Variants in TPRG1 observed in about 807,000 individuals in gnomAD.
TPRG1 encodes the protein tumor protein p63 regulated 1.
A neutral mutation model predicts 29.3 loss-of-function variants in TPRG1; 29 were observed. The ratio of observed to expected loss-of-function variants is 0.99; its 90% CI spans 0.74 to 1.35. The LOEUF is 1.35. Ranked by LOEUF, TPRG1 falls within the 40% of genes most tolerant of loss-of-function variation. The pLI is 0.00. For missense variants in TPRG1, 327 were observed against 335.0 expected (o/e 0.98, Z 0.19); for synonymous variants, 130 against 116.8 (o/e 1.11, Z -0.73).
rs9843534 is a variant in TPRG1, at chr3:189,253,252, G to A, written c.479+14343G>A. Among the ~76,000 whole-genome samples the A allele has an allele frequency of 5.6e-3, 856 of 152,132 alleles. 8 individuals carry two copies. Among genetic ancestry groups the A allele is most frequent in the African/African-American group, 0.019 (799 of 41,488 alleles). ...GATGTTCCCCTCCCTGTTCCCATAT[G>A]TTCTCATTATTCAACTCCCACTTGT... is the stretch of plus-strand genomic sequence containing the variant. On this transcript the variant is annotated intron_variant, in intron 4 of 5. Coordinates refer to ENST00000345063, the MANE Select transcript of TPRG1 (RefSeq NM_198485.4).
intron 3 of TPRG1, among the ~76,000 whole-genome samples, chr3:189,221,277 C>T (rs999772243): frequency 4.6e-5 from 7 of 152,102 alleles, no homozygotes; most frequent in African/African-American, 1.7e-4. Flanking sequence ...GAAACATTAC[C>T]TTCAGTTTAT....
intron 5 of TPRG1, among the ~76,000 whole-genome samples, chr3:189,156,478 A>G (rs943871702): frequency 1.3e-5 from 2 of 152,228 alleles, no homozygotes; most frequent in Non-Finnish European, 2.9e-5. Context: ...CATGGATGAG[A>G]CGCAGAGAGG....
At chr3:189,146,934 A>G (rs895330313) in intron 3 of TPRG1, among the ~76,000 whole-genome samples, 2 of 152,180 alleles carry the variant, frequency 1.3e-5, no homozygotes. Context: ...GTATATGGAC[A>G]CAGGTACTGC....
At chr3:189,155,401 T>C (rs1057236024) in intron 5 of TPRG1, among the ~76,000 whole-genome samples, 3 of 152,146 alleles carry the variant, frequency 2.0e-5, no homozygotes, top group African/African-American at 7.2e-5. Flanking sequence ...CATGTCTGTG[T>C]CCTAATTCCT....
chr3:189,022,685 G>T (rs968280390), intron 3 of TPRG1, among the ~76,000 whole-genome samples: 1 of 152,208 alleles, frequency 6.6e-6, no homozygotes, highest in African/African-American at 2.4e-5. Context: ...CTGTCTTTTT[G>T]TCTATGCCCT....
chr3:189,156,727 C>T (rs552746044), intron 5 of TPRG1, among the ~76,000 whole-genome samples: 47 of 152,330 alleles, frequency 3.1e-4, no homozygotes, highest in African/African-American at 1.1e-3. Context: ...TTTGCAGCCT[C>T]TATCTATCAG....
intron 4 of TPRG1, among the ~76,000 whole-genome samples, chr3:189,025,708 A>G (rs568704997): frequency 6.6e-6 from 1 of 152,350 alleles, no homozygotes; most frequent in South Asian, 2.1e-4. Context: ...ACTGAGAGGA[A>G]AGAGACATGG....
At chr3:189,183,189 A>T (rs1031487242) in intron 1 of TPRG1, among the ~76,000 whole-genome samples, 1 of 152,138 alleles carries the variant, frequency 6.6e-6, no homozygotes, top group African/African-American at 2.4e-5. Flanking sequence ...CGTCCGGGGG[A>T]GACATCACAT....
At chr3:189,144,846 G>T (rs543792847) in intron 3 of TPRG1, among the ~76,000 whole-genome samples, 1 of 152,160 alleles carries the variant, frequency 6.6e-6, no homozygotes, top group Admixed American at 6.5e-5. Flanking sequence ...GACTTAACAC[G>T]ACCTCTTGTG....
intron 2 of TPRG1, among the ~76,000 whole-genome samples, chr3:189,128,838 C>T (rs1470430237): frequency 1.3e-5 from 2 of 152,138 alleles, no homozygotes; most frequent in African/African-American, 4.8e-5. Flanking sequence ...GGCGCAATCT[C>T]GGCTCACTGC....
chr3:189,020,792 C>G (rs1471200985), intron 3 of TPRG1, among the ~76,000 whole-genome samples: 3 of 94,370 alleles, frequency 3.2e-5, no homozygotes, highest in African/African-American at 7.7e-5. Context: ...TCCTTGTTGA[C>G]TTTCTGTCTC....
chr3:189,227,942 T>C (rs1025545367), intron 3 of TPRG1, among the ~76,000 whole-genome samples: 2 of 152,054 alleles, frequency 1.3e-5, no homozygotes, highest in Non-Finnish European at 2.9e-5. Flanking sequence ...GACAACATGG[T>C]GAAACCCCTT....
At chr3:189,130,943 G>A (rs994124160) in intron 2 of TPRG1, among the ~76,000 whole-genome samples, 60 of 152,250 alleles carry the variant, frequency 3.9e-4, no homozygotes, top group African/African-American at 1.4e-3. Context: ...TGGATCTTGA[G>A]CTAGGATCCA....
chr3:189,053,160 C>T (rs1715439248), intron 4 of TPRG1, among the ~76,000 whole-genome samples: 1 of 152,172 alleles, frequency 6.6e-6, no homozygotes, highest in Non-Finnish European at 1.5e-5. Context: ...ACTTGTGGCT[C>T]CTATATCAGC....
At chr3:189,192,882 C>A (rs1731912404) in intron 1 of TPRG1, among the ~76,000 whole-genome samples, 1 of 152,074 alleles carries the variant, frequency 6.6e-6, no homozygotes, top group Admixed American at 6.6e-5. Context: ...GTGATGAACT[C>A]CCCCAGTTTT....
chr3:189,053,490 G>A (rs1347087549), intron 4 of TPRG1, among the ~76,000 whole-genome samples: 1 of 152,050 alleles, frequency 6.6e-6, no homozygotes. Flanking sequence ...CACTGCATAC[G>A]GACAATAAGA....
At chr3:189,025,014 GCAGA>G (rs1411514546) in intron 4 of TPRG1, among the ~76,000 whole-genome samples, 1 of 152,230 alleles carries the variant, frequency 6.6e-6, no homozygotes, top group Non-Finnish European at 1.5e-5. Context: ...AGTGGGTCCT[GCAGA>G]CTGATGCTGC....
intron 3 of TPRG1, among the ~76,000 whole-genome samples, chr3:189,137,296 ATGTGTGTGTG>A (rs10525363): frequency 0.048 from 6,216 of 129,894 alleles, 249 homozygotes; most frequent in African/African-American, 0.13. Context: ...AAACCCCAAA[ATGTGTGTGTG>A]TGTGTGTGTG....
At chr3:189,223,496 C>G (rs575824200) in intron 3 of TPRG1, among the ~76,000 whole-genome samples, 5 of 152,168 alleles carry the variant, frequency 3.3e-5, no homozygotes, top group African/African-American at 1.2e-4. Context: ...ATGGCAGCAA[C>G]CTTACCCTGA....
Sources: gnomAD v4.1 joint callset for allele counts (sites outside exome capture counted in the v4.1 genomes callset) on GRCh38, gnomAD v4.1.1 for gene constraint, MANE v1.5 for transcripts, NCBI Gene and HGNC (gene_info 2026-07-23, HGNC 2026-07-21) for gene names.